SLC1A2: variants seen among roughly 807,000 people sequenced by gnomAD.
The protein encoded by SLC1A2 is excitatory amino acid transporter 2.
In SLC1A2, 15 loss-of-function variants were observed where a neutral mutation model predicts 48.8. The observed-to-expected ratio is 0.31, with a 90% CI of 0.21 to 0.47. The LOEUF (loss-of-function observed/expected upper bound fraction) is 0.47, where lower values mean the gene tolerates loss of function less well. Among genes scored for constraint, SLC1A2 ranks in the 20% least tolerant of loss-of-function variants. SLC1A2 has a pLI of 0.99. For missense variants in SLC1A2, 502 were observed against 730.5 expected (o/e 0.69, Z 3.61); for synonymous variants, 279 against 272.6 (o/e 1.02, Z -0.23).
chr11:35,308,047 A>G (rs779321271), intron 4 of SLC1A2, among the ~76,000 whole-genome samples: 44 of 152,338 alleles, frequency 2.9e-4, no homozygotes, highest in Non-Finnish European at 5.0e-4. Flanking sequence ...CCCAGGAAAG[A>G]AAAGGGAACC....
At chr11:35,316,066 T>C (rs1460082580) in intron 2 of SLC1A2, 2 of 152,386 alleles carry the variant, frequency 1.3e-5, no homozygotes, top group Admixed American at 6.5e-5. Flanking sequence ...TTGACTTCTA[T>C]GTCCTTTTAC....
At chr11:35,405,982 A>G (rs970823915) in intron 1 of SLC1A2, among the ~76,000 whole-genome samples, 3 of 152,218 alleles carry the variant, frequency 2.0e-5, no homozygotes, top group African/African-American at 4.8e-5. Flanking sequence ...AGACAATTCA[A>G]TTATACTAAC....
intron 1 of SLC1A2, among the ~76,000 whole-genome samples, chr11:35,389,452 C>CCTTCTCCTTCTCCTTCTT (rs141467812): frequency 2.0e-5 from 3 of 150,430 alleles, no homozygotes; most frequent in Admixed American, 6.6e-5. Context: ...TTCTCCTTCT[C>CCTTCTCCTTCTCCTTCTT]CTTCTTCTTC....
intron 1 of SLC1A2, among the ~76,000 whole-genome samples, chr11:35,353,166 A>T (rs1226968792): frequency 6.6e-6 from 1 of 152,192 alleles, no homozygotes; most frequent in African/African-American, 2.4e-5. Context: ...AGTGCAATTT[A>T]CAACTAAGGG....
rs1215885251 is a variant in SLC1A2, at chr11:35,259,916, T to C, written c.*978A>G. On this transcript the variant is annotated 3_prime_UTR_variant, in exon 11 of 11. Transcript: ENST00000278379. ...AGGACAGTAAAATGACCAGGCTTTC[T>C]AGGACGATGAGATGATGACTGAAAT... 6.6e-6 allele frequency: 1 copy of C among 152,230 alleles called. No individual in the cohort carries two copies. Among genetic ancestry groups the C allele is most frequent in the African/African-American group, 2.4e-5 (1 of 41,444 alleles). 9.4% of individuals were successfully genotyped at this position (152,230 alleles called of 1,614,324 possible).
chr11:35,410,570 C>T (rs1855427665), intron 1 of SLC1A2, among the ~76,000 whole-genome samples: 1 of 152,156 alleles, frequency 6.6e-6, no homozygotes, highest in Admixed American at 6.5e-5. Context: ...TCCCTTTCCC[C>T]CCACATTCAG....
At chr11:35,326,901 C>A (rs1852268821) in intron 1 of SLC1A2, among the ~76,000 whole-genome samples, 1 of 152,100 alleles carries the variant, frequency 6.6e-6, no homozygotes. Flanking sequence ...TTCACTGACA[C>A]CTTAGTATAA....
At chr11:35,363,570 G>A (rs1226766051) in intron 1 of SLC1A2, among the ~76,000 whole-genome samples, 1 of 152,086 alleles carries the variant, frequency 6.6e-6, no homozygotes, top group South Asian at 2.1e-4. Context: ...CATCTGGCTT[G>A]GTCTCAAAAT....
chr11:35,320,144 A>T (rs1386343093), intron 1 of SLC1A2, among the ~76,000 whole-genome samples: 1 of 152,240 alleles, frequency 6.6e-6, no homozygotes, highest in Non-Finnish European at 1.5e-5. Flanking sequence ...GCTGCTTCTA[A>T]GCCTATATAC....
intron 1 of SLC1A2, among the ~76,000 whole-genome samples, chr11:35,409,811 A>C (rs1855406662): frequency 6.6e-6 from 1 of 152,202 alleles, no homozygotes; most frequent in African/African-American, 2.4e-5. Context: ...CAAGAGGCTG[A>C]GGCAGGAGAA....
rs186129197 is a variant in SLC1A2 at position 35,372,891 on chromosome 11, G to A, written c.17+46059C>T. On this transcript the variant is annotated intron_variant, in intron 1 of 10. Coordinates refer to ENST00000278379, the MANE Select transcript of SLC1A2 (RefSeq NM_004171.4). ...TCCTTAAAATAAGTTTGTGAGGTTG[G>A]TATTTTTAAGGATCTTCATTTTACA... is the stretch of plus-strand genomic sequence containing the variant. Among the ~76,000 whole-genome samples the A allele has an allele frequency of 5.9e-5, 9 of 152,272 alleles. No homozygotes were observed. In the East Asian group the frequency reaches 1.5e-3, roughly 26 times the overall value.
intron 1 of SLC1A2, among the ~76,000 whole-genome samples, chr11:35,361,156 A>G (rs1590228303): frequency 6.6e-6 from 1 of 152,158 alleles, no homozygotes; most frequent in East Asian, 1.9e-4. Context: ...GATTATAGGC[A>G]TGAGCCACCA....
chr11:35,323,616 G>A (rs1367077601), intron 1 of SLC1A2, among the ~76,000 whole-genome samples: 1 of 152,104 alleles, frequency 6.6e-6, no homozygotes, highest in African/African-American at 2.4e-5. Context: ...TCCATTCTAG[G>A]TACCCACGAT....
intron 1 of SLC1A2, among the ~76,000 whole-genome samples, chr11:35,329,625 G>C (rs112708125): frequency 6.6e-6 from 1 of 152,164 alleles, no homozygotes; most frequent in African/African-American, 2.4e-5. Flanking sequence ...CATCTGGATG[G>C]GGCCTAGACC....
intron 1 of SLC1A2, chr11:35,323,036 T>C (rs1852127382): frequency 4.4e-6 from 2 of 454,888 alleles, no homozygotes; most frequent in African/African-American, 4.0e-5. Flanking sequence ...ATCCTGCAAA[T>C]GAAACTTAAA....
chr11:35,354,819 T>A (rs1467562002), intron 1 of SLC1A2, among the ~76,000 whole-genome samples: 3 of 152,184 alleles, frequency 2.0e-5, no homozygotes, highest in Non-Finnish European at 2.9e-5. Context: ...AATACGTGCC[T>A]ACTCTCATGT....
intron 2 of SLC1A2, chr11:35,315,627 C>G (rs1243621378): frequency 1.3e-5 from 2 of 155,300 alleles, no homozygotes; most frequent in East Asian, 1.9e-4. Context: ...AACACCATCT[C>G]TACTAAAAAT....
intron 1 of SLC1A2, among the ~76,000 whole-genome samples, chr11:35,328,641 T>C (rs148788245): frequency 9.5e-4 from 145 of 152,308 alleles, no homozygotes; most frequent in African/African-American, 3.4e-3. Context: ...ACTTGCTCTT[T>C]ATATTAGGCA....
In SLC1A2 at chr11:35,373,095, G is replaced by A. The variant is rs187462372; in HGVS notation, c.17+45855C>T. On this transcript the variant is annotated intron_variant, in intron 1 of 10. Transcript: ENST00000278379. ...CCAGGGATCCACATTTCAGAAGCAC[G>A]ACACACCAGAGCAGGGCATGAGCCA... Among the ~76,000 whole-genome samples the A allele has an allele frequency of 4.1e-3, 622 of 152,272 alleles. 4 individuals are homozygous for A. The highest frequency in any genetic ancestry group is 0.012 in the African/African-American group (488 of 41,542).
Sources: gnomAD v4.1 joint callset for allele counts (sites outside exome capture counted in the v4.1 genomes callset) on GRCh38, gnomAD v4.1.1 for gene constraint, MANE v1.5 for transcripts, NCBI Gene and HGNC (gene_info 2026-07-23, HGNC 2026-07-21) for gene names.